Variants in ZEB1 observed in about 807,000 individuals in gnomAD.
ZEB1 encodes zinc finger E-box-binding homeobox 1.
Under a neutral mutation model 84.9 loss-of-function variants are expected in ZEB1, and 21 were observed. The ratio of observed to expected loss-of-function variants is 0.25; its 90% confidence interval spans 0.18 to 0.36. The LOEUF is 0.36. ZEB1 is among the 10% of genes least tolerant of loss of function. The pLI is 1.00. For synonymous variants in ZEB1, 420 were observed against 471.1 expected, an observed-to-expected ratio of 0.89 and a Z score of 1.41; for missense variants, 1,104 against 1,330.2, an observed-to-expected ratio of 0.83 and a Z score of 2.65.
chr10:31,393,865 A>G (rs919369349), intron 1 of ZEB1, among the ~76,000 whole-genome samples: 2 of 152,190 alleles, frequency 1.3e-5, no homozygotes, highest in African/African-American at 4.8e-5. Context: ...AAGTTTGCAT[A>G]TCAAACACTC....
chr10:31,382,404 T>C (rs1347035382), intron 1 of ZEB1, among the ~76,000 whole-genome samples: 1 of 152,148 alleles, frequency 6.6e-6, no homozygotes, highest in Non-Finnish European at 1.5e-5. Context: ...TTTCATTTTG[T>C]AAAACATAGA....
intron 2 of ZEB1, among the ~76,000 whole-genome samples, chr10:31,476,619 CTTG>C (rs981400986): frequency 4.6e-5 from 7 of 151,856 alleles, no homozygotes; most frequent in African/African-American, 1.7e-4. Context: ...TTCTGTGATA[CTTG>C]TTATCTCCCT....
chr10:31,331,360 A>G lies in ZEB1; in HGVS notation c.58+12068A>G, dbSNP rs201917859. ...CTCAGCCTCCCAAAGTGCTGGGATT[A>G]CAGGCGTGAGCCACCACGCCTGGCC... On this transcript the variant is annotated intron_variant, in intron 1 of 8. Transcript: ENST00000424869. Among the ~76,000 whole-genome samples the G allele has an allele frequency of 2.4e-4, 36 of 152,180 alleles. No homozygotes were observed. In the East Asian group the frequency reaches 7.0e-3, roughly 29 times the overall value.
intron 1 of ZEB1, among the ~76,000 whole-genome samples, chr10:31,459,693 G>C (rs1425444577): frequency 1.3e-5 from 2 of 152,052 alleles, no homozygotes; most frequent in Non-Finnish European, 2.9e-5. Flanking sequence ...TGTGAGCACA[G>C]TGGTGACCTC....
At chr10:31,338,770 C>G (rs1045420645) in intron 1 of ZEB1, among the ~76,000 whole-genome samples, 3 of 151,998 alleles carry the variant, frequency 2.0e-5, no homozygotes, top group African/African-American at 7.2e-5. Flanking sequence ...CAGATCTACC[C>G]GTAATGCACA....
chr10:31,441,157 T>C lies in ZEB1; in HGVS notation c.59-19880T>C, dbSNP rs1409374676. Among the ~76,000 whole-genome samples, 5 of 152,232 alleles carry C rather than the reference T, an allele frequency of 3.3e-5. No homozygotes were observed. The South Asian group carries it at 6.2e-4, about 19-fold the overall frequency. ...CATCACACTACCTGACTTCAAACTATACTACAAGGCAACAGTAACCAAAAC... is the reference window on the plus strand; with the variant it reads ...CATCACACTACCTGACTTCAAACTACACTACAAGGCAACAGTAACCAAAAC... On this transcript the variant is annotated intron_variant, in intron 1 of 8. Transcript: ENST00000424869.
intron 4 of ZEB1, among the ~76,000 whole-genome samples, chr10:31,503,572 G>T (rs1245709718): frequency 6.6e-6 from 1 of 151,842 alleles, no homozygotes; most frequent in Non-Finnish European, 1.5e-5. Context: ...AACTTCCTTT[G>T]GATAAATACC....
At chr10:31,368,060 A>C (rs2044895766) in intron 1 of ZEB1, among the ~76,000 whole-genome samples, 2 of 152,158 alleles carry the variant, frequency 1.3e-5, no homozygotes, top group Admixed American at 6.5e-5. Flanking sequence ...CAGTATCCTC[A>C]GGTGGTTGGT....
At chr10:31,452,757 G>GAGAGAGAT (rs2060759360) in intron 1 of ZEB1, among the ~76,000 whole-genome samples, 2 of 149,660 alleles carry the variant, frequency 1.3e-5, no homozygotes, top group African/African-American at 5.0e-5. Context: ...GAGAGAGAGA[G>GAGAGAGAT]AGAGAGAGAG....
At chr10:31,511,992 A>G (rs529218154) in intron 5 of ZEB1, among the ~76,000 whole-genome samples, 1 of 152,208 alleles carries the variant, frequency 6.6e-6, no homozygotes, top group Non-Finnish European at 1.5e-5. Flanking sequence ...ATGAAGGAGC[A>G]CTTGAAACAG....
intron 1 of ZEB1, chr10:31,375,090 C>CACACACACACACACAG (rs1204880411): frequency 2.1e-5 from 3 of 140,022 alleles, no homozygotes; most frequent in Admixed American, 6.9e-5. Flanking sequence ...CACACACACA[C>CACACACACACACACAG]AGAGAAGCAT....
chr10:31,489,884 A>C (rs2066277926), intron 2 of ZEB1, among the ~76,000 whole-genome samples: 1 of 151,464 alleles, frequency 6.6e-6, no homozygotes, highest in Non-Finnish European at 1.5e-5. Context: ...TAATTCTTTT[A>C]GAACAGATCT....
chr10:31,524,187 T>G, intron 8 of ZEB1, 74 bp downstream of exon 8: 19 of 1,495,314 alleles, frequency 1.3e-5, no homozygotes, highest in Non-Finnish European at 1.6e-5. Flanking sequence ...AAACTAAAGT[T>G]TTAGAATTTT....
chr10:31,451,250 GTAAGTTTCC>G (rs1443613677), intron 1 of ZEB1, among the ~76,000 whole-genome samples: 4 of 152,242 alleles, frequency 2.6e-5, no homozygotes, highest in African/African-American at 9.6e-5. Context: ...TATTTAAAAA[GTAAGTTTCC>G]TAAATTTCTT....
chr10:31,448,579 A>G (rs1478267712), intron 1 of ZEB1, among the ~76,000 whole-genome samples: 1 of 151,250 alleles, frequency 6.6e-6, no homozygotes, highest in African/African-American at 2.4e-5. Flanking sequence ...GGTGATGTAC[A>G]GATGGGTTTT....
chr10:31,487,376 C>G (rs1330143108), intron 2 of ZEB1, among the ~76,000 whole-genome samples: 1 of 151,296 alleles, frequency 6.6e-6, no homozygotes, highest in Non-Finnish European at 1.5e-5. Context: ...GAGGAGTCTT[C>G]CAATTAATGA....
chr10:31,526,655 G>A lies in ZEB1; in HGVS notation c.2786-17G>A. The stretch of plus-strand genomic sequence containing the variant: ...CTGAATACCACCATTTTATTTAACA[G>A]AATTCTTATTTTGCAGGTAAAAGAC... On this transcript the variant is annotated splice_polypyrimidine_tract_variant and intron_variant, in intron 8 of 8. Transcript: ENST00000424869. 6.2e-7 allele frequency: 1 copy of A among 1,612,442 alleles called. No individual in the cohort carries two copies. The highest frequency in any genetic ancestry group is 8.5e-7 in the Non-Finnish European group (1 of 1,179,862).
chr10:31,404,122 G>T (rs1047118182), intron 1 of ZEB1, among the ~76,000 whole-genome samples: 1 of 151,950 alleles, frequency 6.6e-6, no homozygotes, highest in Admixed American at 6.6e-5. Flanking sequence ...CTTTTTAAGA[G>T]CAGGAACAAT....
intron 2 of ZEB1, among the ~76,000 whole-genome samples, chr10:31,480,178 C>A (rs1482859050): frequency 3.3e-5 from 5 of 151,996 alleles, no homozygotes; most frequent in Non-Finnish European, 7.4e-5. Flanking sequence ...GATTTAAAAA[C>A]ATTTTTCTCA....
Sources: allele counts gnomAD v4.1 joint callset (sites outside exome capture counted in the v4.1 genomes callset), GRCh38; gene constraint gnomAD v4.1.1; transcripts MANE v1.5; gene names NCBI Gene and HGNC (gene_info 2026-07-23, HGNC 2026-07-21).